The following VSNL1 variants were observed in gnomAD, a reference collection of about 807,000 sequenced individuals.
VSNL1 encodes visinin-like protein 1.
In VSNL1, 6 loss-of-function variants were observed where a neutral mutation model predicts 20.4. The ratio of observed to expected loss-of-function variants is 0.29; its 90% confidence interval spans 0.16 to 0.58. The LOEUF is 0.58. Among genes scored for constraint, VSNL1 ranks in the 20% least tolerant of loss-of-function variants. VSNL1 has a pLI of 0.90. For synonymous variants in VSNL1, 93 were observed against 86.4 expected, an observed-to-expected ratio of 1.08 and a Z score of -0.42; for missense variants, 100 against 234.5, an observed-to-expected ratio of 0.43 and a Z score of 3.75.
In VSNL1 at chr2:17,655,478, C is replaced by CACACAT; in HGVS notation, c.*89_*90insTACACA. ...ATTCACACACACACACACACACACACACACACACACACACACACACACAAA... is the reference window on the plus strand; with the variant it reads ...ATTCACACACACACACACACACACACACACATACACACACACACACACACACACAAA... On this transcript the variant is annotated 3_prime_UTR_variant, in exon 4 of 4. Transcript: ENST00000295156. The surrounding 1 kb of genome is among the most constrained non-coding windows in gnomAD (Gnocchi z 5.2). The CACACAT allele has an allele frequency of 9.5e-7, 1 of 1,054,272 alleles. No individual in the cohort carries two copies. The highest frequency in any genetic ancestry group is 1.4e-6 in the Non-Finnish European group (1 of 727,080). 65.3% of individuals were successfully genotyped at this position (1,054,272 alleles called of 1,614,324 possible).
intron 2 of VSNL1, among the ~76,000 whole-genome samples, chr2:17,604,211 A>C (rs189503903): frequency 1.0e-3 from 152 of 152,356 alleles, no homozygotes; most frequent in Non-Finnish European, 1.6e-3. Flanking sequence ...GGACTTAGAC[A>C]AACAGGGAGG....
At chr2:17,589,574 C>A (rs979404221) in intron 1 of VSNL1, among the ~76,000 whole-genome samples, 1 of 152,204 alleles carries the variant, frequency 6.6e-6, no homozygotes, top group Non-Finnish European at 1.5e-5. Flanking sequence ...CATTGCCCAA[C>A]ACACCTGAGT....
chr2:17,619,660 A>C (rs569011107), intron 2 of VSNL1, among the ~76,000 whole-genome samples: 3 of 152,196 alleles, frequency 2.0e-5, no homozygotes, highest in Non-Finnish European at 4.4e-5. Context: ...CAGGTCACAA[A>C]CAGTATTAGA....
At chr2:17,641,876 T>C (rs1665889792) in intron 2 of VSNL1, among the ~76,000 whole-genome samples, 1 of 152,208 alleles carries the variant, frequency 6.6e-6, no homozygotes, top group Non-Finnish European at 1.5e-5. Context: ...CGAAGTTTGA[T>C]CCTGTAATTA....
intron 1 of VSNL1, among the ~76,000 whole-genome samples, chr2:17,558,433 G>T (rs1217060979): frequency 6.6e-6 from 1 of 152,070 alleles, no homozygotes; most frequent in Non-Finnish European, 1.5e-5. Context: ...AAATCTGGTG[G>T]GTTTTAATGA....
intron 2 of VSNL1, among the ~76,000 whole-genome samples, chr2:17,620,620 C>A (rs888811583): frequency 3.3e-5 from 5 of 152,122 alleles, no homozygotes; most frequent in African/African-American, 1.2e-4. Flanking sequence ...TCACTCTTCC[C>A]CTGAGAAAGT....
At chr2:17,569,456 A>G (rs1264949602) in intron 1 of VSNL1, among the ~76,000 whole-genome samples, 1 of 151,996 alleles carries the variant, frequency 6.6e-6, no homozygotes, top group Non-Finnish European at 1.5e-5. Flanking sequence ...CAAATCTGAA[A>G]AACTCCATGG....
At chr2:17,548,467 AG>A (rs1663450421) in intron 1 of VSNL1, among the ~76,000 whole-genome samples, 1 of 152,170 alleles carries the variant, frequency 6.6e-6, no homozygotes, top group Admixed American at 6.6e-5. Context: ...AGAATTGAGT[AG>A]GGTTATTGTT....
intron 2 of VSNL1, among the ~76,000 whole-genome samples, chr2:17,612,477 GT>G (rs1357323856): frequency 6.6e-6 from 1 of 152,188 alleles, no homozygotes; most frequent in Non-Finnish European, 1.5e-5. Context: ...TAGACATTCA[GT>G]TCCATCAAAC....
intron 3 of VSNL1, among the ~76,000 whole-genome samples, chr2:17,650,808 C>T (rs1384719300): frequency 6.6e-6 from 1 of 152,238 alleles, no homozygotes; most frequent in East Asian, 1.9e-4. Flanking sequence ...CTTGCACACC[C>T]TCTCATTCCA....
Position 17,622,214 on chromosome 2 carries a change from A to C in VSNL1, c.163-27196A>C, listed in dbSNP as rs1289096206. ...ATAAAAATCTTCAGACTCTATCTCAAAAAAAAAAAAAAAATCAGGCTGGGC... is the reference window on the plus strand; with the variant it reads ...ATAAAAATCTTCAGACTCTATCTCACAAAAAAAAAAAAAATCAGGCTGGGC... On this transcript the variant is annotated intron_variant, in intron 2 of 3. Transcript: ENST00000295156. Among the ~76,000 whole-genome samples, 325 of 130,972 alleles carry C rather than the reference A, an allele frequency of 2.5e-3. 1 individual carries two copies. Among genetic ancestry groups the C allele is most frequent in the Middle Eastern group, 4.1e-3 (1 of 246 alleles). The allele number at this position is 130,972 out of a possible 152,430, so 85.9% of individuals were successfully genotyped here.
At chr2:17,580,514 A>G (rs1304764360) in intron 1 of VSNL1, among the ~76,000 whole-genome samples, 2 of 152,178 alleles carry the variant, frequency 1.3e-5, no homozygotes, top group East Asian at 1.9e-4. Context: ...ACCTTTCCCT[A>G]AAGCATCAGA....
intron 2 of VSNL1, among the ~76,000 whole-genome samples, chr2:17,603,621 T>A (rs1664881059): frequency 6.6e-6 from 1 of 152,224 alleles, no homozygotes; most frequent in South Asian, 2.1e-4. Context: ...GATGAAGATA[T>A]GGGTAGAGCC....
chr2:17,545,622 G>A (rs988485209), intron 1 of VSNL1, among the ~76,000 whole-genome samples: 1 of 152,052 alleles, frequency 6.6e-6, no homozygotes, highest in African/African-American at 2.4e-5. Context: ...GTTTCTAAAG[G>A]TAACTTATGC....
rs1361344521 is a variant in VSNL1 at position 17,592,943 on chromosome 2, C to T, written c.162+707C>T. On this transcript the variant is annotated intron_variant, in intron 2 of 3. Coordinates refer to ENST00000295156, the MANE Select transcript of VSNL1 (RefSeq NM_003385.5). ...TGTATTGGTTCTAGATTGGGCTGAT[C>T]TAAGACATTCCACTTCGTGTATACT... 2.0e-5 allele frequency among the ~76,000 whole-genome samples: 3 copies of T among 152,124 alleles called. No homozygotes were observed. The East Asian group carries it at 5.8e-4, about 29-fold the overall frequency.
intron 1 of VSNL1, among the ~76,000 whole-genome samples, chr2:17,546,701 A>G (rs1663413656): frequency 6.6e-6 from 1 of 152,038 alleles, no homozygotes; most frequent in South Asian, 2.1e-4. Context: ...ATTATTAATA[A>G]AGTTGAAATG....
chr2:17,580,520 T>G (rs1664326660), intron 1 of VSNL1, among the ~76,000 whole-genome samples: 1 of 152,200 alleles, frequency 6.6e-6, no homozygotes, highest in Admixed American at 6.5e-5. Flanking sequence ...CCCTAAAGCA[T>G]CAGAGCTAGG....
At chr2:17,544,853 C>T (rs1663371593) in intron 1 of VSNL1, among the ~76,000 whole-genome samples, 2 of 152,070 alleles carry the variant, frequency 1.3e-5, no homozygotes, top group Admixed American at 1.3e-4. Context: ...CCTAAAGTAT[C>T]AAATGGTACA....
chr2:17,651,004 T>C (rs1176337585), intron 3 of VSNL1, among the ~76,000 whole-genome samples: 1 of 151,840 alleles, frequency 6.6e-6, no homozygotes, highest in Non-Finnish European at 1.5e-5. Flanking sequence ...ACATGTGGCT[T>C]GATTTTCTCA....
Sources: gnomAD v4.1 joint callset for allele counts (sites outside exome capture counted in the v4.1 genomes callset) on GRCh38, gnomAD v4.1.1 for gene constraint, Gnocchi (gnomAD v3.1) non-coding constraint, MANE v1.5 for transcripts, NCBI Gene and HGNC (gene_info 2026-07-23, HGNC 2026-07-21) for gene names.